FOCAD: variants seen among roughly 807,000 people sequenced by gnomAD.
FOCAD encodes KIAA1797.
A neutral mutation model predicts 225.6 loss-of-function variants in FOCAD; 198 were observed. The observed-to-expected ratio is 0.88, with a 90% CI of 0.78 to 0.99. FOCAD has a LOEUF of 0.99. FOCAD is among the 50% of genes least tolerant of loss of function. FOCAD has a pLI of 0.00. For synonymous variants in FOCAD, 897 were observed against 755.0 expected (o/e 1.19, Z -3.08); for missense variants, 2,713 against 2,123.6 (o/e 1.28, Z -5.46).
intron 22 of FOCAD, among the ~76,000 whole-genome samples, chr9:20,912,408 A>G (rs1266286964): frequency 6.6e-6 from 1 of 152,112 alleles, no homozygotes; most frequent in African/African-American, 2.4e-5. Context: ...CTGTTGGAGA[A>G]TAACTTATAT....
intron 15 of FOCAD, among the ~76,000 whole-genome samples, chr9:20,853,705 A>T (rs1827892843): frequency 6.6e-6 from 1 of 151,764 alleles, no homozygotes; most frequent in African/African-American, 2.4e-5. Flanking sequence ...GTGAGTTTTA[A>T]AAAGGTACCT....
At chr9:20,734,809 C>T (rs530621939) in intron 4 of FOCAD, among the ~76,000 whole-genome samples, 2 of 151,898 alleles carry the variant, frequency 1.3e-5, no homozygotes, top group Non-Finnish European at 2.9e-5. Flanking sequence ...CACACTTGGC[C>T]AGTTTTTGTA....
Position 20,815,309 on chromosome 9 carries a change from G to GTTT in FOCAD, c.1456-4474_1456-4472dup, listed in dbSNP as rs549019890. On this transcript the variant is annotated intron_variant, in intron 11 of 43. Transcript: ENST00000338382. ...CCACCATACCCAGCTAATTTTTGTA[G>GTTT]TTTTTTTTTTTTTTTAGTATAGGTG... is the stretch of plus-strand genomic sequence containing the variant. Among the ~76,000 whole-genome samples the GTTT allele has an allele frequency of 1.6e-4, 21 of 131,846 alleles. No homozygotes were observed. The East Asian group carries it at 2.1e-3, about 13-fold the overall frequency. The allele number at this position is 131,846 out of a possible 152,430, so 86.5% of individuals were successfully genotyped here.
intron 15 of FOCAD, among the ~76,000 whole-genome samples, chr9:20,860,285 C>T (rs773545614): frequency 6.6e-6 from 1 of 152,048 alleles, no homozygotes; most frequent in African/African-American, 2.4e-5. Flanking sequence ...TTCGTTGTCA[C>T]GTTTCTGTAT....
chr9:20,782,052 G>A (rs1289393571), intron 10 of FOCAD, 123 bp downstream of exon 10: 13 of 783,834 alleles, frequency 1.7e-5, no homozygotes, highest in Non-Finnish European at 2.5e-5. Flanking sequence ...CAGTCAGGTA[G>A]TGCTGTTGGA....
chr9:20,695,829 G>T (rs921360038), intron 1 of FOCAD, among the ~76,000 whole-genome samples: 2 of 152,156 alleles, frequency 1.3e-5, no homozygotes, highest in African/African-American at 4.8e-5. Context: ...ATTGGTATTA[G>T]GTATGAATTG....
chr9:20,990,713 G>T (rs1453678181), intron 42 of FOCAD, among the ~76,000 whole-genome samples: 2 of 152,140 alleles, frequency 1.3e-5, no homozygotes, highest in Non-Finnish European at 1.5e-5. Flanking sequence ...GAGGGTCGAC[G>T]GGAAGGCAAA....
intron 35 of FOCAD, among the ~76,000 whole-genome samples, chr9:20,963,929 G>A (rs1839009159): frequency 6.6e-6 from 1 of 152,122 alleles, no homozygotes; most frequent in South Asian, 2.1e-4. Context: ...ACGAGCGCAG[G>A]GACCTATTCT....
chr9:20,977,158 ATCT>A (rs940274502), intron 36 of FOCAD, among the ~76,000 whole-genome samples: 1 of 152,148 alleles, frequency 6.6e-6, no homozygotes, highest in African/African-American at 2.4e-5. Flanking sequence ...GAGGGCTAAG[ATCT>A]TCTCACACCA....
At chr9:20,695,255 T>A (rs973124001) in intron 1 of FOCAD, among the ~76,000 whole-genome samples, 1 of 152,130 alleles carries the variant, frequency 6.6e-6, no homozygotes, top group Non-Finnish European at 1.5e-5. Flanking sequence ...CCATCACCCA[T>A]GAGGATACAA....
chr9:20,892,322 C>T (rs1831682453), intron 21 of FOCAD, among the ~76,000 whole-genome samples: 2 of 152,106 alleles, frequency 1.3e-5, no homozygotes, highest in African/African-American at 2.4e-5. Context: ...CTATAGCTGG[C>T]ATAGATAGTG....
At chr9:20,857,970 A>G (rs1828370401) in intron 15 of FOCAD, among the ~76,000 whole-genome samples, 2 of 151,736 alleles carry the variant, frequency 1.3e-5, no homozygotes, top group South Asian at 2.1e-4. Flanking sequence ...CAATCTTTTT[A>G]ATGTATTGTT....
chr9:20,815,964 C>G (rs1056791540), intron 11 of FOCAD, among the ~76,000 whole-genome samples: 3 of 151,902 alleles, frequency 2.0e-5, no homozygotes, highest in African/African-American at 7.3e-5. Flanking sequence ...TGAAACAGTC[C>G]CTGTTTTATT....
chr9:20,830,746 T>C (rs748242017), intron 15 of FOCAD, among the ~76,000 whole-genome samples: 12 of 152,050 alleles, frequency 7.9e-5, no homozygotes, highest in Non-Finnish European at 1.6e-4. Context: ...GGTGTGGTCA[T>C]GGTCCACAGC....
chr9:20,848,567 T>C (rs1827347734), intron 15 of FOCAD, among the ~76,000 whole-genome samples: 1 of 152,002 alleles, frequency 6.6e-6, no homozygotes, highest in South Asian at 2.1e-4. Context: ...GAGGGTAAGC[T>C]AAGGTCAGAG....
intron 21 of FOCAD, among the ~76,000 whole-genome samples, chr9:20,906,243 C>T (rs1832969584): frequency 6.6e-6 from 1 of 151,940 alleles, no homozygotes; most frequent in Non-Finnish European, 1.5e-5. Context: ...AATATTAATT[C>T]TTATAATACA....
At chr9:20,787,114 A>G (rs1820003085) in intron 10 of FOCAD, 1 of 243,952 alleles carries the variant, frequency 4.1e-6, no homozygotes, top group East Asian at 1.2e-4. Flanking sequence ...AAACAAACTT[A>G]AGAGCCTAAA....
rs1334546591 is a variant in FOCAD, at chr9:20,679,119, G to GTA, written c.-77-15399_-77-15398dup. Reference sequence around the variant, plus strand: ...GTCAAAGGGGCAACAGACAGTCTGTGTATGTGTGTGTGTGTGTGTGTGTGT... The same window carrying GTA: ...GTCAAAGGGGCAACAGACAGTCTGTGTATATGTGTGTGTGTGTGTGTGTGTGT... On this transcript the variant is annotated intron_variant, in intron 2 of 45. Coordinates refer to the FOCAD transcript ENST00000380249. Among the ~76,000 whole-genome samples the GTA allele has an allele frequency of 5.4e-3, 658 of 122,984 alleles. 9 individuals carry two copies. The highest frequency in any genetic ancestry group is 0.021 in the African/African-American group (630 of 29,638). 80.7% of individuals were successfully genotyped at this position (122,984 alleles called of 152,430 possible).
intron 15 of FOCAD, among the ~76,000 whole-genome samples, chr9:20,844,349 CTTTTTTTT>C (rs58468376): frequency 9.7e-4 from 75 of 77,250 alleles, no homozygotes; most frequent in African/African-American, 2.8e-3. Flanking sequence ...AGGAAATTTC[CTTTTTTTT>C]TTTTTTTTTT....
Sources: allele counts gnomAD v4.1 joint callset (sites outside exome capture counted in the v4.1 genomes callset), GRCh38; gene constraint gnomAD v4.1.1; transcripts MANE v1.5; gene names NCBI Gene and HGNC (gene_info 2026-07-23, HGNC 2026-07-21).